The following OCA2 variants were observed in gnomAD, a reference collection of about 807,000 sequenced individuals.
The protein encoded by OCA2 is OCA2 melanosomal transmembrane protein.
Under a neutral mutation model 100.2 loss-of-function variants are expected in OCA2, and 77 were observed. The observed-to-expected ratio is 0.77, with a 90% CI of 0.64 to 0.93. The LOEUF (loss-of-function observed/expected upper bound fraction) is 0.93. Among genes scored for constraint, OCA2 ranks in the 40% least tolerant of loss-of-function variants. The pLI, the probability that OCA2 is intolerant of heterozygous loss-of-function variation, is 0.00. For missense variants in OCA2, 1,062 were observed against 1,089.1 expected (o/e 0.98, Z 0.35); for synonymous variants, 432 against 439.2 (o/e 0.98, Z 0.21).
chr15:27,734,286 C>CAAAAAAA, the OCA2 span, among the ~76,000 whole-genome samples: 62 of 76,318 alleles, frequency 8.1e-4, 3 homozygotes, highest in Non-Finnish European at 1.1e-3. Flanking sequence ...TTTTCAAGAG[C>CAAAAAAA]AAAAAAAAAA....
intron 9 of OCA2, 55 bp from the exon 10 acceptor site, chr15:27,990,702 C>T (rs34327643): frequency 2.0e-6 from 3 of 1,489,114 alleles, no homozygotes; most frequent in South Asian, 1.1e-5. Context: ...AGTTAGCACA[C>T]ACGAAAGCCT....
intron 10 of OCA2, among the ~76,000 whole-genome samples, chr15:27,989,959 T>C (rs2041495647): frequency 6.6e-6 from 1 of 152,192 alleles, no homozygotes; most frequent in Admixed American, 6.5e-5. Context: ...GTGGAGTCTG[T>C]ATGTGCTCTC....
chr15:27,942,026 T>G (rs2039665721), intron 18 of OCA2, among the ~76,000 whole-genome samples: 1 of 151,926 alleles, frequency 6.6e-6, no homozygotes. Context: ...GGTGAAAGTG[T>G]GGAGAAATCA....
chr15:28,028,067 G>A lies in OCA2; in HGVS notation c.327-8C>T. The A allele has an allele frequency of 6.2e-7, 1 of 1,614,170 alleles. No individual in the cohort carries two copies. The highest frequency in any genetic ancestry group is 8.5e-7 in the Non-Finnish European group (1 of 1,179,972). On this transcript the variant is annotated splice_polypyrimidine_tract_variant and splice_region_variant and intron_variant, in intron 3 of 23. Transcript: ENST00000354638. ...ACAGGTATGCACCGTGACCTGGAAA[G>A]CAAGAGAGGTGTGGTTATCTCTCCT...
At chr15:27,913,074 A>G (rs1567096345) in intron 19 of OCA2, among the ~76,000 whole-genome samples, 1 of 152,260 alleles carries the variant, frequency 6.6e-6, no homozygotes, top group African/African-American at 2.4e-5. Flanking sequence ...TAAAGAATTT[A>G]GACGAAATTC....
intron 2 of OCA2, among the ~76,000 whole-genome samples, chr15:28,078,624 A>G (rs7179994): frequency 0.24 from 37,115 of 152,120 alleles, 5,974 homozygotes; most frequent in African/African-American, 0.46. Flanking sequence ...GCTCAGAAGC[A>G]GACCTTGCTC....
chr15:28,079,174 A>G (rs2044532342), intron 2 of OCA2, among the ~76,000 whole-genome samples: 1 of 152,126 alleles, frequency 6.6e-6, no homozygotes, highest in Non-Finnish European at 1.5e-5. Flanking sequence ...TCTCTTCACA[A>G]CTGAACCCAT....
intron 15 of OCA2, among the ~76,000 whole-genome samples, chr15:27,966,046 C>T (rs2040556041): frequency 1.3e-5 from 2 of 152,232 alleles, no homozygotes; most frequent in Non-Finnish European, 1.5e-5. Flanking sequence ...TCTTGGCTCA[C>T]TGCAACCTCC....
chr15:27,804,844 TG>T (rs2033761538), intron 23 of OCA2, among the ~76,000 whole-genome samples: 2 of 152,216 alleles, frequency 1.3e-5, no homozygotes, highest in South Asian at 4.1e-4. Flanking sequence ...CAGGCAGGCC[TG>T]TTCCTTAGGA....
At chr15:27,875,375 A>G (rs2036746950) in intron 19 of OCA2, among the ~76,000 whole-genome samples, 1 of 152,150 alleles carries the variant, frequency 6.6e-6, no homozygotes, top group Non-Finnish European at 1.5e-5. Context: ...ATCTATATCT[A>G]TCTTTTGCCA....
At chr15:28,084,304 A>G (rs2044735571) in intron 1 of OCA2, among the ~76,000 whole-genome samples, 1 of 152,226 alleles carries the variant, frequency 6.6e-6, no homozygotes, top group Non-Finnish European at 1.5e-5. Context: ...TTACAGCAGC[A>G]TGAATGGACT....
intron 9 of OCA2, among the ~76,000 whole-genome samples, chr15:27,998,240 C>A (rs1243562344): frequency 2.3e-5 from 2 of 88,554 alleles, no homozygotes; most frequent in Non-Finnish European, 3.8e-5. Flanking sequence ...GCAAAAGAAA[C>A]TACCATCAGA....
At chr15:28,025,376 T>C (rs941772536) in intron 4 of OCA2, among the ~76,000 whole-genome samples, 2 of 152,148 alleles carry the variant, frequency 1.3e-5, no homozygotes, top group Non-Finnish European at 2.9e-5. Flanking sequence ...GTACCAGCAG[T>C]CTGTTAAGAA....
At chr15:28,070,972 G>C (rs1337618619) in intron 2 of OCA2, among the ~76,000 whole-genome samples, 2 of 145,352 alleles carry the variant, frequency 1.4e-5, no homozygotes, top group Non-Finnish European at 3.0e-5. Flanking sequence ...CAGCATGCTC[G>C]TTAAGAGTCA....
At chr15:28,065,221 T>G (rs1757858914) in intron 2 of OCA2, among the ~76,000 whole-genome samples, 1 of 152,110 alleles carries the variant, frequency 6.6e-6, no homozygotes, top group African/African-American at 2.4e-5. Flanking sequence ...TTTAGGGTTT[T>G]CTATGGTCTT....
At chr15:27,818,066 A>G (rs550762682) in intron 23 of OCA2, among the ~76,000 whole-genome samples, 5 of 152,344 alleles carry the variant, frequency 3.3e-5, no homozygotes, top group Admixed American at 3.3e-4. Flanking sequence ...CTATTATACT[A>G]AACATTATCA....
intron 23 of OCA2, among the ~76,000 whole-genome samples, chr15:27,793,612 C>T (rs760988255): frequency 2.0e-5 from 3 of 152,182 alleles, no homozygotes; most frequent in East Asian, 1.9e-4. Context: ...CCTCCGGCAC[C>T]GTAGCCTTCA....
chr15:28,029,795 G>A (rs1317774603), intron 3 of OCA2, among the ~76,000 whole-genome samples: 2 of 152,128 alleles, frequency 1.3e-5, no homozygotes, highest in African/African-American at 4.8e-5. Context: ...ACAAAATAAA[G>A]TTGATAAAAG....
chr15:27,931,278 AC>A (rs2039240240), intron 18 of OCA2, among the ~76,000 whole-genome samples: 1 of 152,176 alleles, frequency 6.6e-6, no homozygotes. Flanking sequence ...ATCCTTTTAA[AC>A]AGTTCTTGAC....
Sources: gnomAD v4.1 joint callset for allele counts (sites outside exome capture counted in the v4.1 genomes callset) on GRCh38, gnomAD v4.1.1 for gene constraint, MANE v1.5 for transcripts, NCBI Gene and HGNC (gene_info 2026-07-23, HGNC 2026-07-21) for gene names.